WDR49: variants seen among roughly 807,000 people sequenced by gnomAD.
WDR49 encodes the protein cilia- and flagella-associated protein 337.
A neutral mutation model predicts 119.5 loss-of-function variants in WDR49; 107 were observed. That is an observed-to-expected ratio of 0.90 (90% CI 0.77 to 1.05). The LOEUF (loss-of-function observed/expected upper bound fraction) is 1.05. Ranked by LOEUF, WDR49 falls within the 50% of genes least tolerant of loss-of-function variation. WDR49 has a pLI of 0.00. For synonymous variants in WDR49, 425 were observed against 418.8 expected (o/e 1.01, Z -0.18); for missense variants, 1,240 against 1,220.5 (o/e 1.02, Z -0.24).
At chr3:167,652,392 T>C (rs1269399656) in intron 2 of WDR49, among the ~76,000 whole-genome samples, 2 of 152,178 alleles carry the variant, frequency 1.3e-5, no homozygotes, top group Non-Finnish European at 2.9e-5. Context: ...ATATTTTCTA[T>C]TTCAAATTAG....
rs60295599 is a variant in WDR49, at chr3:167,579,746, A to G, written c.1276-3595T>C. On this transcript the variant is annotated intron_variant, in intron 7 of 18. Coordinates refer to ENST00000682715, the MANE Select transcript of WDR49 (RefSeq NM_001366157.1). The stretch of plus-strand genomic sequence containing the variant: ...AAAAAACATGAATTCTGTTATAAAT[A>G]TAAATAGAATTGATAAGCTTTTATT... Among the ~76,000 whole-genome samples the G allele has an allele frequency of 6.8e-3, 1,031 of 152,280 alleles. 57 individuals are homozygous for G. In the East Asian group the frequency reaches 0.13, roughly 20 times the overall value.
chr3:167,581,777 C>G (rs1160277874), intron 7 of WDR49, among the ~76,000 whole-genome samples: 1 of 152,128 alleles, frequency 6.6e-6, no homozygotes, highest in Non-Finnish European at 1.5e-5. Context: ...AATCTATTTT[C>G]AGTGCACTTT....
chr3:167,602,398 T>C, intron 6 of WDR49, 123 bp from the exon 7 acceptor site: 1 of 843,578 alleles, frequency 1.2e-6, no homozygotes, highest in South Asian at 3.0e-5. Context: ...GGTTGACTAA[T>C]GCACCTGTTT....
intron 2 of WDR49, among the ~76,000 whole-genome samples, chr3:167,651,145 G>C (rs530659214): frequency 6.6e-6 from 1 of 152,138 alleles, no homozygotes; most frequent in South Asian, 2.1e-4. Flanking sequence ...CCAACTTCCT[G>C]TTTTTTCACT....
At position 167,653,476 on chromosome 3, in the gene WDR49, T is replaced by A. The variant is rs1718487254; in HGVS notation, c.-51A>T. ...CTTCAACTATTTCTATAAGGATGGA[T>A]CTTCTTTTTCCTTCAACAGGTGCCT... On this transcript the variant is annotated 5_prime_UTR_variant, in exon 2 of 19. Transcript: ENST00000682715. The A allele has an allele frequency of 7.0e-7, 1 of 1,424,256 alleles. No homozygotes were observed. The highest frequency in any genetic ancestry group is 1.5e-5 in the African/African-American group (1 of 68,574). 88.2% of individuals were successfully genotyped at this position (1,424,256 alleles called of 1,614,324 possible).
chr3:167,495,002 T>C (rs1034057222), intron 18 of WDR49, among the ~76,000 whole-genome samples: 8 of 152,200 alleles, frequency 5.3e-5, no homozygotes, highest in Admixed American at 1.3e-4. Flanking sequence ...CAGTGTCTCA[T>C]TCTCTCTGCC....
chr3:167,600,515 T>A (rs1370821895), intron 7 of WDR49, among the ~76,000 whole-genome samples: 1 of 152,220 alleles, frequency 6.6e-6, no homozygotes, highest in Non-Finnish European at 1.5e-5. Context: ...TATGTGTAGA[T>A]AGTTGTTAAA....
chr3:167,492,177 A>G (rs1211189943), intron 18 of WDR49, among the ~76,000 whole-genome samples: 2 of 150,650 alleles, frequency 1.3e-5, no homozygotes, highest in African/African-American at 4.8e-5. Context: ...ATTTTATAAT[A>G]ACAATTTTTA....
At chr3:167,553,756 A>G (rs139758882) in intron 10 of WDR49, among the ~76,000 whole-genome samples, 7 of 152,204 alleles carry the variant, frequency 4.6e-5, no homozygotes, top group African/African-American at 1.7e-4. Flanking sequence ...ATTAGTTCTT[A>G]ATATCAAGTA....
chr3:167,501,667 T>C (rs1485867919), intron 17 of WDR49, among the ~76,000 whole-genome samples: 1 of 152,152 alleles, frequency 6.6e-6, no homozygotes, highest in Non-Finnish European at 1.5e-5. Flanking sequence ...ATATTTTCAT[T>C]ATAAAATAAA....
intron 12 of WDR49, among the ~76,000 whole-genome samples, chr3:167,532,070 T>C (rs1353013645): frequency 6.6e-6 from 1 of 152,138 alleles, no homozygotes; most frequent in Non-Finnish European, 1.5e-5. Context: ...AGGTCAGAGC[T>C]TTGTGTTTGC....
At chr3:167,509,518 A>T (rs1021068616) in intron 16 of WDR49, among the ~76,000 whole-genome samples, 17 of 152,214 alleles carry the variant, frequency 1.1e-4, no homozygotes, top group African/African-American at 3.9e-4. Context: ...TAAAGCAATA[A>T]GATATCATAG....
intron 18 of WDR49, among the ~76,000 whole-genome samples, chr3:167,490,260 A>G (rs1265731346): frequency 6.6e-6 from 1 of 152,182 alleles, no homozygotes; most frequent in Non-Finnish European, 1.5e-5. Context: ...TGTTGTTCAC[A>G]TATTAATGAC....
intron 2 of WDR49, 47 bp from the exon 3 acceptor site, chr3:167,627,339 T>C (rs890357939): frequency 7.3e-6 from 9 of 1,225,780 alleles, no homozygotes; most frequent in African/African-American, 4.7e-5. Flanking sequence ...AGTGAAATCA[T>C]CATATGCATG....
At chr3:167,591,516 ATTG>A (rs764536010) in intron 7 of WDR49, among the ~76,000 whole-genome samples, 171 of 152,156 alleles carry the variant, frequency 1.1e-3, no homozygotes, top group Non-Finnish European at 2.0e-3. Flanking sequence ...GTCTCCAGCT[ATTG>A]TTGTATTGTG....
At chr3:167,595,141 C>G (rs997723157) in intron 7 of WDR49, among the ~76,000 whole-genome samples, 2 of 152,022 alleles carry the variant, frequency 1.3e-5, no homozygotes, top group African/African-American at 4.8e-5. Context: ...GAATAAAATA[C>G]TTAGGAATCT....
At chr3:167,610,113 G>A (rs1716272902) in intron 5 of WDR49, among the ~76,000 whole-genome samples, 1 of 152,200 alleles carries the variant, frequency 6.6e-6, no homozygotes, top group Non-Finnish European at 1.5e-5. Flanking sequence ...ATTACTAGCT[G>A]TGGAGGCTAT....
chr3:167,538,886 G>T (rs1379851391), intron 10 of WDR49, among the ~76,000 whole-genome samples: 4 of 152,292 alleles, frequency 2.6e-5, no homozygotes, highest in Non-Finnish European at 4.4e-5. Flanking sequence ...TGCCCCATTA[G>T]AAAGCCTTTG....
In WDR49 at chr3:167,653,465, A is replaced by T; in HGVS notation, c.-40T>A. The T allele has an allele frequency of 6.9e-7, 1 of 1,441,134 alleles. No individual in the cohort carries two copies. Among genetic ancestry groups the T allele is most frequent in the Non-Finnish European group, 9.1e-7 (1 of 1,104,612 alleles). 89.3% of individuals were successfully genotyped at this position (1,441,134 alleles called of 1,614,324 possible). A position where few individuals can be genotyped will look rare whatever the true frequency, so the allele number is the denominator to read the frequency against. ...TTCTCAGTTGCCTTCAACTATTTCT[A>T]TAAGGATGGATCTTCTTTTTCCTTC... is the stretch of plus-strand genomic sequence containing the variant. On this transcript the variant is annotated 5_prime_UTR_variant, in exon 2 of 19. It removes the in-frame stop codon of an upstream open reading frame in the 5' UTR. Coordinates refer to ENST00000682715, the MANE Select transcript of WDR49 (RefSeq NM_001366157.1).
Sources: allele counts gnomAD v4.1 joint callset (sites outside exome capture counted in the v4.1 genomes callset), GRCh38; gene constraint gnomAD v4.1.1; transcripts MANE v1.5; gene names NCBI Gene and HGNC (gene_info 2026-07-23, HGNC 2026-07-21).